LRCH1: variants seen among roughly 807,000 people sequenced by gnomAD.
The protein encoded by LRCH1 is leucine rich repeats and calponin homology domain containing 1, also known as leucine-rich repeat and calponin homology domain-containing protein 1.
In LRCH1, 23 loss-of-function variants were observed where a neutral mutation model predicts 94.9. The observed-to-expected ratio is 0.24, with a 90% CI of 0.17 to 0.34. LRCH1 has a LOEUF of 0.34. Ranked by LOEUF, LRCH1 falls within the 10% of genes least tolerant of loss-of-function variation. The pLI, the probability that LRCH1 is intolerant of heterozygous loss-of-function variation, is 1.00. For missense variants in LRCH1, 790 were observed against 945.9 expected (o/e 0.84, Z 2.16); for synonymous variants, 364 against 354.9 (o/e 1.03, Z -0.29).
chr13:46,590,674 A>G (rs948252570), intron 1 of LRCH1, among the ~76,000 whole-genome samples: 2 of 152,184 alleles, frequency 1.3e-5, no homozygotes, highest in South Asian at 2.1e-4. Flanking sequence ...CAAAAATAAA[A>G]TAAAATAATA....
At chr13:46,712,056 A>C (rs1413011798) in intron 14 of LRCH1, among the ~76,000 whole-genome samples, 1 of 152,260 alleles carries the variant, frequency 6.6e-6, no homozygotes, top group Non-Finnish European at 1.5e-5. Flanking sequence ...TAAAAACCGA[A>C]TGTAGGAACA....
At chr13:46,680,452 G>T (rs1225550349) in intron 3 of LRCH1, among the ~76,000 whole-genome samples, 2 of 152,180 alleles carry the variant, frequency 1.3e-5, no homozygotes, top group African/African-American at 4.8e-5. Context: ...AGAAGAAGTG[G>T]TCAGTCTCCC....
intron 19 of LRCH1, among the ~76,000 whole-genome samples, chr13:46,741,153 T>C (rs901386716): frequency 6.6e-6 from 1 of 152,228 alleles, no homozygotes; most frequent in Non-Finnish European, 1.5e-5. Flanking sequence ...AATGTGTGTG[T>C]TAACTTTCAG....
chr13:46,645,618 A>T (rs1425059627), intron 1 of LRCH1, among the ~76,000 whole-genome samples: 1 of 152,224 alleles, frequency 6.6e-6, no homozygotes, highest in Non-Finnish European at 1.5e-5. Flanking sequence ...CTATTCAGAA[A>T]CAGAGGTCTA....
chr13:46,573,486 A>G (rs2050263467), intron 1 of LRCH1, among the ~76,000 whole-genome samples: 1 of 152,210 alleles, frequency 6.6e-6, no homozygotes, highest in Non-Finnish European at 1.5e-5. Flanking sequence ...CTAAGTGTCC[A>G]TCAACAGATG....
At chr13:46,597,770 G>C (rs1402217053) in intron 1 of LRCH1, among the ~76,000 whole-genome samples, 1 of 151,786 alleles carries the variant, frequency 6.6e-6, no homozygotes, top group East Asian at 1.9e-4. Context: ...TGTGAGTTTA[G>C]TGTCAATGAA....
intron 11 of LRCH1, 94 bp downstream of exon 11, chr13:46,701,301 C>G (rs989011934): frequency 1.2e-6 from 1 of 846,814 alleles, no homozygotes; most frequent in Non-Finnish European, 1.9e-6. Flanking sequence ...CCTACACAGA[C>G]GATTTTGGCC....
intron 11 of LRCH1, among the ~76,000 whole-genome samples, chr13:46,702,649 A>G (rs771383760): frequency 2.3e-4 from 35 of 152,234 alleles, no homozygotes; most frequent in Non-Finnish European, 4.9e-4. Context: ...AGGATAGGAT[A>G]ATGGCCTGGA....
chr13:46,737,271 G>C (rs117189696), intron 19 of LRCH1, among the ~76,000 whole-genome samples: 21 of 152,264 alleles, frequency 1.4e-4, no homozygotes, highest in African/African-American at 5.1e-4. Flanking sequence ...AAAAAAATTT[G>C]TTATGATTTT....
intron 1 of LRCH1, among the ~76,000 whole-genome samples, chr13:46,618,629 G>A (rs1038657150): frequency 1.3e-5 from 2 of 152,136 alleles, no homozygotes; most frequent in East Asian, 1.9e-4. Context: ...AGAATTGGAC[G>A]TTACACTACA....
intron 17 of LRCH1, 85 bp from the exon 18 acceptor site, chr13:46,728,762 C>T: frequency 3.2e-6 from 4 of 1,248,548 alleles, no homozygotes; most frequent in Non-Finnish European, 4.3e-6. Flanking sequence ...ATTAGTGCCT[C>T]AGTTCATAAA....
At chr13:46,711,717 A>G in intron 13 of LRCH1, 74 bp from the exon 14 acceptor site, 2 of 1,136,640 alleles carry the variant, frequency 1.8e-6, no homozygotes, top group South Asian at 2.7e-5. Flanking sequence ...GATGGCAGTA[A>G]GAAAGATGAA....
chr13:46,646,604 G>A (rs1359161415), intron 1 of LRCH1, among the ~76,000 whole-genome samples: 1 of 152,062 alleles, frequency 6.6e-6, no homozygotes, highest in Non-Finnish European at 1.5e-5. Flanking sequence ...TTTTGTATCA[G>A]CACATATAGA....
chr13:46,639,856 A>G (rs2051137851), intron 1 of LRCH1, among the ~76,000 whole-genome samples: 1 of 152,226 alleles, frequency 6.6e-6, no homozygotes, highest in African/African-American at 2.4e-5. Context: ...ACTTCTCTCT[A>G]GAATTTAAGT....
At chr13:46,724,181 G>T (rs747536920) in intron 17 of LRCH1, among the ~76,000 whole-genome samples, 1 of 151,992 alleles carries the variant, frequency 6.6e-6, no homozygotes, top group African/African-American at 2.4e-5. Flanking sequence ...CTAGAAAAAC[G>T]TTGGGATTAC....
At chr13:46,681,940 G>GTGTGTGTGTGTA in intron 4 of LRCH1, 94 bp downstream of exon 4, 1 of 614,890 alleles carries the variant, frequency 1.6e-6, no homozygotes. Context: ...CGATCTTTGT[G>GTGTGTGTGTGTA]TGTGTGTGTG....
chr13:46,634,120 T>C (rs971589093), intron 1 of LRCH1, among the ~76,000 whole-genome samples: 1 of 152,108 alleles, frequency 6.6e-6, no homozygotes, highest in Non-Finnish European at 1.5e-5. Context: ...CCTCGTGATC[T>C]GCCCGCCTCA....
rs761088818 is a variant in LRCH1, at chr13:46,701,163, C to G, written c.1356C>G (p.Ile452Met). ...SKDQDMDIAM[I>M]EQLREAVDLL... ...ATCAGGACATGGATATAGCAATGATCGAGCAGCTGAGAGAAGCAGTAGATT... is the reference window on the plus strand; with the variant it reads ...ATCAGGACATGGATATAGCAATGATGGAGCAGCTGAGAGAAGCAGTAGATT... The change falls in exon 11 of 20, where the codon ATC becomes ATG. Residue 452 changes from isoleucine (I) to methionine (M), a missense_variant. Ile to Met is a conservative substitution (Grantham distance 10, BLOSUM62 1). Transcript: ENST00000389797. The G allele has an allele frequency of 1.2e-6, 2 of 1,613,732 alleles. No individual in the cohort carries two copies. The highest frequency in any genetic ancestry group is 8.5e-7 in the Non-Finnish European group (1 of 1,179,704).
intron 1 of LRCH1, among the ~76,000 whole-genome samples, chr13:46,619,594 A>G (rs2050857003): frequency 6.6e-6 from 1 of 152,208 alleles, no homozygotes; most frequent in African/African-American, 2.4e-5. Flanking sequence ...AAGAGAAGAT[A>G]CTTGATTAGA....
Sources: gnomAD v4.1 joint callset for allele counts (sites outside exome capture counted in the v4.1 genomes callset) on GRCh38, gnomAD v4.1.1 for gene constraint, MANE v1.5 for transcripts, NCBI Gene and HGNC (gene_info 2026-07-23, HGNC 2026-07-21) for gene names.